Variants in GGA3 observed in about 807,000 individuals in gnomAD.
GGA3 encodes ADP-ribosylation factor-binding protein GGA3.
GGA3 carries 57 observed loss-of-function variants against 77.5 expected under a neutral mutation model. The ratio of observed to expected loss-of-function variants is 0.74; its 90% CI spans 0.59 to 0.92. The LOEUF (loss-of-function observed/expected upper bound fraction) is 0.92. GGA3 is among the 40% of genes least tolerant of loss of function. The probability of loss-of-function intolerance (pLI) is 0.00; values close to 1 mark genes in which losing one functional copy is unlikely to be tolerated. For missense variants in GGA3, 970 were observed against 914.9 expected (o/e 1.06, Z -0.78); for synonymous variants, 416 against 383.7 (o/e 1.08, Z -0.98).
rs2076624370 is a variant in GGA3, at chr17:75,243,056, C to T, written c.528+7G>A. On this transcript the variant is annotated splice_region_variant and intron_variant, in intron 6 of 16. Transcript: ENST00000537686. ...TGAGAAAATCCCAGGCCCAGGGTGTCCTTTACCTTGGACTTCTCCTCATCA... is the reference window on the plus strand; with the variant it reads ...TGAGAAAATCCCAGGCCCAGGGTGTTCTTTACCTTGGACTTCTCCTCATCA... 1.2e-6 allele frequency: 2 copies of T among 1,601,876 alleles called. No homozygotes were observed. The highest frequency in any genetic ancestry group is 1.3e-5 in the African/African-American group (1 of 74,776).
intron 1 of GGA3, among the ~76,000 whole-genome samples, chr17:75,260,756 C>CAGTG (rs1311787192): frequency 1.3e-5 from 2 of 152,204 alleles, no homozygotes; most frequent in African/African-American, 4.8e-5. Flanking sequence ...AGAGTACTAC[C>CAGTG]TGCTAACCAG....
chr17:75,238,509 G>A, intron 16 of GGA3, 120 bp from the exon 17 acceptor site: 2 of 996,008 alleles, frequency 2.0e-6, no homozygotes, highest in Non-Finnish European at 1.5e-6. Flanking sequence ...CCCCAACCAT[G>A]CTCAGACACT....
chr17:75,240,538 C>A, intron 11 of GGA3, 126 bp from the exon 12 acceptor site: 1 of 693,942 alleles, frequency 1.4e-6, no homozygotes, highest in Non-Finnish European at 2.5e-6. Flanking sequence ...AGAAGCTGTT[C>A]TGCAGGCAGC....
intron 14 of GGA3, 94 bp from the exon 15 acceptor site, chr17:75,239,177 G>C (rs2076432564): frequency 4.2e-6 from 5 of 1,184,490 alleles, no homozygotes; most frequent in East Asian, 2.5e-5. Context: ...CCGTGGTCAT[G>C]ATGAGTCCAG....
At chr17:75,255,531 C>T (rs75169125) in intron 1 of GGA3, among the ~76,000 whole-genome samples, 1 of 152,176 alleles carries the variant, frequency 6.6e-6, no homozygotes, top group African/African-American at 2.4e-5. Flanking sequence ...CTCATTAAAA[C>T]CTAATCACCC....
At chr17:75,250,302 G>T (rs183587127) in intron 1 of GGA3, among the ~76,000 whole-genome samples, 16 of 152,178 alleles carry the variant, frequency 1.1e-4, no homozygotes, top group African/African-American at 3.6e-4. Context: ...TCGAGTCTCT[G>T]TTGAAAGCCT....
chr17:75,261,678 T>C (rs1010401556), upstream of GGA3: 3 of 1,303,486 alleles, frequency 2.3e-6, no homozygotes, highest in Non-Finnish European at 1.0e-6. Context: ...CTGAGAGGAG[T>C]GAGTGCCGTC....
At chr17:75,253,202 A>G (rs906458349) in intron 1 of GGA3, among the ~76,000 whole-genome samples, 3 of 152,222 alleles carry the variant, frequency 2.0e-5, no homozygotes, top group Non-Finnish European at 2.9e-5. Context: ...TAAATCAGGT[A>G]GGCGGCCTCT....
At chr17:75,259,528 A>C (rs986843190) in intron 1 of GGA3, among the ~76,000 whole-genome samples, 1 of 152,210 alleles carries the variant, frequency 6.6e-6, no homozygotes, top group African/African-American at 2.4e-5. Context: ...AAAACGTAGA[A>C]GCCACAGAGA....
rs1567786381 is a variant in GGA3 at position 75,242,929 on chromosome 17, C to T, written c.529-18G>A. 3 of 1,606,788 alleles carry T rather than the reference C, an allele frequency of 1.9e-6. No homozygotes were observed. The South Asian group carries it at 3.3e-5, about 18-fold the overall frequency. ...GCTAAAAGCTGAGAGAGGAGGAAAT[C>T]AGAGGTGAAGGGAAGAGGCAGCACC... On this transcript the variant is annotated intron_variant, in intron 6 of 16. Coordinates refer to ENST00000537686, the MANE Select transcript of GGA3 (RefSeq NM_138619.4).
intron 1 of GGA3, chr17:75,248,923 A>C: frequency 1.0e-6 from 1 of 985,108 alleles, no homozygotes; most frequent in Non-Finnish European, 1.2e-6. Context: ...GACAGCTGCC[A>C]GGCAGAGGGA....
chr17:75,244,982 G>A (rs2076705497), intron 3 of GGA3, among the ~76,000 whole-genome samples: 1 of 152,158 alleles, frequency 6.6e-6, no homozygotes. Flanking sequence ...ACCCCAAGAA[G>A]GCCTGGATGC....
chr17:75,256,502 C>T (rs1271587404), intron 1 of GGA3, among the ~76,000 whole-genome samples: 1 of 152,000 alleles, frequency 6.6e-6, no homozygotes, highest in Non-Finnish European at 1.5e-5. Context: ...ACCCCATTTC[C>T]CCATATTTCC....
At chr17:75,240,603 G>T in intron 11 of GGA3, 191 bp from the exon 12 acceptor site, 1 of 674,220 alleles carries the variant, frequency 1.5e-6, no homozygotes, top group Non-Finnish European at 2.5e-6. Flanking sequence ...GGGGCCTGTG[G>T]GGCGGGGTGC....
upstream of GGA3, chr17:75,261,805 A>G: frequency 7.5e-7 from 1 of 1,338,216 alleles, no homozygotes; most frequent in Non-Finnish European, 1.0e-6. Flanking sequence ...AGAGAAACGC[A>G]GATTTAGGAC....
At chr17:75,245,190 G>A (rs188066722) in intron 3 of GGA3, among the ~76,000 whole-genome samples, 9 of 152,260 alleles carry the variant, frequency 5.9e-5, no homozygotes, top group Admixed American at 1.3e-4. Flanking sequence ...TCCTCCCTCC[G>A]CTTATCTCCC....
In GGA3 at chr17:75,240,881, C is replaced by G. The variant is rs112645273; in HGVS notation, c.1123G>C (p.Glu375Gln). ...GTGCTGCTGGGCCCCAGGGTGGCCT[C>G]GGCCTGGCTAGAGGAGCGGCTCCGT... ...PPRSRSSSQAEATLGPSSTSN... is the reference protein window; with the variant it reads ...PPRSRSSSQAQATLGPSSTSN... The change falls in exon 11 of 17, where the codon GAG becomes CAG. Residue 375 changes from glutamate to glutamine, a missense_variant. Physicochemically the swap from Glu to Gln is conservative, Grantham distance 29 (BLOSUM62 2). Transcript: ENST00000537686. 1.1e-5 allele frequency: 17 copies of G among 1,613,510 alleles called. No homozygotes were observed. In the East Asian group the frequency reaches 3.6e-4, roughly 34 times the overall value.
At chr17:75,246,161 T>C (rs1049386341) in intron 3 of GGA3, among the ~76,000 whole-genome samples, 1 of 152,222 alleles carries the variant, frequency 6.6e-6, no homozygotes, top group Non-Finnish European at 1.5e-5. Flanking sequence ...AGCTCTGAAC[T>C]ATCAACACAG....
intron 4 of GGA3, chr17:75,244,378 AAC>A: frequency 2.2e-6 from 1 of 462,652 alleles, no homozygotes; most frequent in East Asian, 4.2e-5. Context: ...ACCCTGGACA[AAC>A]ACACAGCCAC....
Sources: gnomAD v4.1 joint callset for allele counts (sites outside exome capture counted in the v4.1 genomes callset) on GRCh38, gnomAD v4.1.1 for gene constraint, MANE v1.5 for transcripts, NCBI Gene and HGNC (gene_info 2026-07-23, HGNC 2026-07-21) for gene names.